The following TSPAN2 variants were observed in gnomAD, a reference collection of about 807,000 sequenced individuals.
TSPAN2 encodes tetraspanin-2.
In TSPAN2, 24 loss-of-function variants were observed where a neutral mutation model predicts 33.3. The ratio of observed to expected loss-of-function variants is 0.72; its 90% confidence interval spans 0.52 to 1.01. The LOEUF (loss-of-function observed/expected upper bound fraction) is 1.01, where lower values mean the gene tolerates loss of function less well. Ranked by LOEUF, TSPAN2 falls within the 50% of genes least tolerant of loss-of-function variation. The pLI is 0.00. For missense variants in TSPAN2, 278 were observed against 281.3 expected (o/e 0.99, Z 0.08); for synonymous variants, 114 against 104.5 (o/e 1.09, Z -0.56).
intron 2 of TSPAN2, among the ~76,000 whole-genome samples, chr1:115,064,847 G>A (rs973020125): frequency 3.3e-5 from 5 of 152,156 alleles, no homozygotes; most frequent in Non-Finnish European, 5.9e-5. Flanking sequence ...AGGGAGGCTC[G>A]TGAGGAGGCA....
chr1:115,056,412 A>G (rs1165947280), intron 6 of TSPAN2, among the ~76,000 whole-genome samples: 1 of 152,132 alleles, frequency 6.6e-6, no homozygotes, highest in African/African-American at 2.4e-5. Context: ...GGTTCCTTGC[A>G]TGCTAAATCC....
At chr1:115,086,621 C>G (rs1306887821) in intron 1 of TSPAN2, among the ~76,000 whole-genome samples, 1 of 152,224 alleles carries the variant, frequency 6.6e-6, no homozygotes, top group Non-Finnish European at 1.5e-5. Context: ...ACTGCTCCTA[C>G]TTCCTTTCCT....
At chr1:115,085,970 C>G (rs1648817284) in intron 1 of TSPAN2, among the ~76,000 whole-genome samples, 1 of 152,050 alleles carries the variant, frequency 6.6e-6, no homozygotes, top group Non-Finnish European at 1.5e-5. Flanking sequence ...GTTTTAAGTT[C>G]TAGTGGGGAA....
rs558109424 is a variant in TSPAN2, at chr1:115,058,904, T to C, written c.423A>G (p.Thr141=). 1.2e-6 allele frequency: 2 copies of C among 1,613,702 alleles called. No homozygotes were observed. Among genetic ancestry groups the C allele is most frequent in the Admixed American group, 3.3e-5 (2 of 60,018 alleles). ...TCACTGTTGAGTGGAAGGTGATGAG[T>C]GTCCCATTGCCTTTTCCCCTGTCTT... is the stretch of plus-strand genomic sequence containing the variant. The part of the protein sequence containing the change: ...YLKDRGKGNG[T]LITFHSTFQC... The change falls in exon 5 of 8, where the codon ACA becomes ACG. Residue 141 remains threonine, a synonymous_variant. Coordinates refer to ENST00000369516, the MANE Select transcript of TSPAN2 (RefSeq NM_005725.6).
intron 1 of TSPAN2, among the ~76,000 whole-genome samples, chr1:115,078,083 A>G (rs1648488626): frequency 6.6e-6 from 1 of 152,200 alleles, no homozygotes. Context: ...TGCTCCAGCT[A>G]CAGTTTCAGA....
chr1:115,085,432 A>G (rs2101050531), intron 1 of TSPAN2, among the ~76,000 whole-genome samples: 1 of 152,228 alleles, frequency 6.6e-6, no homozygotes, highest in African/African-American at 2.4e-5. Flanking sequence ...CTGCAAATTG[A>G]TCTGTTAAAT....
chr1:115,057,656 G>C, intron 5 of TSPAN2, 48 bp from the exon 6 acceptor site: 3 of 1,587,994 alleles, frequency 1.9e-6, no homozygotes, highest in Non-Finnish European at 2.6e-6. Context: ...AGGAGTAGCA[G>C]CTACAAGTCT....
intron 2 of TSPAN2, among the ~76,000 whole-genome samples, chr1:115,064,223 G>A (rs1276378983): frequency 6.6e-6 from 1 of 152,222 alleles, no homozygotes; most frequent in Non-Finnish European, 1.5e-5. Context: ...GCCCTGGCCT[G>A]CAGCCCCAAT....
At chr1:115,078,040 C>T (rs761877874) in intron 1 of TSPAN2, among the ~76,000 whole-genome samples, 1 of 152,202 alleles carries the variant, frequency 6.6e-6, no homozygotes, top group South Asian at 2.1e-4. Flanking sequence ...TGCACTGATA[C>T]CTAAGTGGGA....
intron 1 of TSPAN2, among the ~76,000 whole-genome samples, chr1:115,073,723 G>A (rs565095718): frequency 6.6e-5 from 10 of 151,908 alleles, no homozygotes; most frequent in Admixed American, 4.6e-4. Context: ...CTGAAAAAGC[G>A]TGGTCTGTGT....
chr1:115,073,040 A>C, intron 1 of TSPAN2, 33 bp from the exon 2 acceptor site: 1 of 1,570,536 alleles, frequency 6.4e-7, no homozygotes, highest in Non-Finnish European at 8.8e-7. Context: ...TTTACAGTGG[A>C]AGGGGAAAGA....
intron 1 of TSPAN2, among the ~76,000 whole-genome samples, chr1:115,086,266 A>C (rs1311609717): frequency 6.6e-6 from 1 of 152,204 alleles, no homozygotes; most frequent in Non-Finnish European, 1.5e-5. Flanking sequence ...AGATGAGAAA[A>C]CAAGCCTAGA....
rs1277898193 is a variant in TSPAN2, at chr1:115,089,442, C to G, written c.-10G>C. On this transcript the variant is annotated 5_prime_UTR_variant, in exon 1 of 8. Transcript: ENST00000369516. Reference sequence around the variant, plus strand: ...CGCGGAAGCGCCCCATGCTGCGGCCCGGCGGCGGGATCCCCAGTCCCCAGG... The same window carrying G: ...CGCGGAAGCGCCCCATGCTGCGGCCGGGCGGCGGGATCCCCAGTCCCCAGG... 6.5e-6 allele frequency: 10 copies of G among 1,550,186 alleles called. No individual in the cohort carries two copies. The highest frequency in any genetic ancestry group is 8.7e-6 in the Non-Finnish European group (10 of 1,149,490).
At chr1:115,053,357 G>T (rs754831650) in intron 7 of TSPAN2, 22 bp downstream of exon 7, 21 of 1,610,280 alleles carry the variant, frequency 1.3e-5, no homozygotes, top group Non-Finnish European at 1.7e-5. Flanking sequence ...GGCAAAAAGG[G>T]TAAGTTCTAG....
rs542932611 is a variant in TSPAN2 at position 115,049,479 on chromosome 1, C to A, written c.*1011G>T. On this transcript the variant is annotated 3_prime_UTR_variant, in exon 8 of 8. Transcript: ENST00000369516. ...TCTAGGTGGCTATACAAGAAAAATA[C>A]AAAAAGTTAGGAAAACATGTAAACG... The A allele has an allele frequency of 4.3e-4, 65 of 152,442 alleles. No homozygotes were observed. Among genetic ancestry groups the A allele is most frequent in the Non-Finnish European group, 4.9e-4 (33 of 67,964 alleles). The allele number at this position is 152,442 out of a possible 1,614,324, so 9.4% of individuals were successfully genotyped here. A position where few individuals can be genotyped will look rare whatever the true frequency, so the allele number is the denominator to read the frequency against.
chr1:115,062,058 C>T, intron 3 of TSPAN2, 77 bp downstream of exon 3: 1 of 1,288,556 alleles, frequency 7.8e-7, no homozygotes, highest in Non-Finnish European at 1.1e-6. Flanking sequence ...GAGCCAGGGG[C>T]CAGAGGCACT....
At chr1:115,052,863 G>A (rs1321104) in intron 7 of TSPAN2, among the ~76,000 whole-genome samples, 127,803 of 152,150 alleles carry the variant, frequency 0.84, 54,361 homozygotes, top group East Asian at 0.99. Flanking sequence ...AATCCTATAA[G>A]GTTTATATAT....
At chr1:115,082,102 T>C (rs1648646823) in intron 1 of TSPAN2, among the ~76,000 whole-genome samples, 1 of 152,254 alleles carries the variant, frequency 6.6e-6, no homozygotes, top group South Asian at 2.1e-4. Flanking sequence ...CCTATATCTC[T>C]GCTGTCCAGC....
intron 1 of TSPAN2, among the ~76,000 whole-genome samples, chr1:115,077,532 G>C (rs1648462665): frequency 6.6e-6 from 1 of 152,170 alleles, no homozygotes; most frequent in African/African-American, 2.4e-5. Context: ...TGAAAACAAT[G>C]TGTGTTCTAA....
Sources: allele counts gnomAD v4.1 joint callset (sites outside exome capture counted in the v4.1 genomes callset), GRCh38; gene constraint gnomAD v4.1.1; transcripts MANE v1.5; gene names NCBI Gene and HGNC (gene_info 2026-07-23, HGNC 2026-07-21).